CRISPLD1: variants seen among roughly 807,000 people sequenced by gnomAD.
The protein encoded by CRISPLD1 is cysteine-rich secretory protein LCCL domain-containing 1.
Under a neutral mutation model 77.5 loss-of-function variants are expected in CRISPLD1, and 60 were observed. That is an observed-to-expected ratio of 0.77 (90% CI 0.63 to 0.96). The LOEUF is 0.96. Ranked by LOEUF, CRISPLD1 falls within the 40% of genes least tolerant of loss-of-function variation. The probability of loss-of-function intolerance (pLI) is 0.00; values close to 1 mark genes in which losing one functional copy is unlikely to be tolerated. For missense variants in CRISPLD1, 623 were observed against 615.8 expected (o/e 1.01, Z -0.12); for synonymous variants, 195 against 200.1 (o/e 0.97, Z 0.22).
intron 2 of CRISPLD1, among the ~76,000 whole-genome samples, chr8:75,011,415 G>A (rs935529567): frequency 6.6e-6 from 1 of 151,668 alleles, no homozygotes; most frequent in Non-Finnish European, 1.5e-5. Context: ...TGTCACTTGG[G>A]TTGTGTCCTC....
chr8:74,992,207 C>G (rs1280047750), intron 2 of CRISPLD1, among the ~76,000 whole-genome samples: 1 of 152,052 alleles, frequency 6.6e-6, no homozygotes, highest in Non-Finnish European at 1.5e-5. Context: ...AATAAAAGTT[C>G]TGGAAGGTAG....
Position 75,014,767 on chromosome 8 carries a change from T to C in CRISPLD1, c.627-45T>C, listed in dbSNP as rs184523392. 108 of 1,232,492 alleles carry C rather than the reference T, an allele frequency of 8.8e-5. No individual in the cohort carries two copies. In the East Asian group the frequency reaches 2.4e-3, roughly 27 times the overall value. 76.3% of individuals were successfully genotyped at this position (1,232,492 alleles called of 1,614,324 possible). A position where few individuals can be genotyped will look rare whatever the true frequency, so the allele number is the denominator to read the frequency against. ...TGATGTTTCACAATGTTTTATAAAT[T>C]ATGCCATTAGACTACTTTTTAATAG... On this transcript the variant is annotated intron_variant, in intron 5 of 14. Transcript: ENST00000262207.
intron 2 of CRISPLD1, among the ~76,000 whole-genome samples, chr8:74,993,928 G>C (rs1563607595): frequency 6.6e-6 from 1 of 152,226 alleles, no homozygotes; most frequent in Non-Finnish European, 1.5e-5. Flanking sequence ...GCAGACAGAG[G>C]GAGCATGAGA....
In CRISPLD1 at chr8:75,012,332, T is replaced by TAAAG. The variant is rs1333383107; in HGVS notation, c.259-90_259-87dup. On this transcript the variant is annotated intron_variant, in intron 2 of 14. Transcript: ENST00000262207. ...AATCCAGACTATGATGTTGACTTTG[T>TAAAG]AAAGAAAGAAAGAAGAAAATGTAAG... 5 of 741,028 alleles carry TAAAG rather than the reference T, an allele frequency of 6.7e-6. No individual in the cohort carries two copies. The Admixed American group carries it at 1.1e-4, about 16-fold the overall frequency. 45.9% of individuals were successfully genotyped at this position (741,028 alleles called of 1,614,324 possible). A position where few individuals can be genotyped will look rare whatever the true frequency, so the allele number is the denominator to read the frequency against.
At chr8:75,026,893 C>T (rs1388981629) in intron 13 of CRISPLD1, 1 of 152,130 alleles carries the variant, frequency 6.6e-6, no homozygotes, top group Non-Finnish European at 1.5e-5. Flanking sequence ...CTGCTGGTAT[C>T]TTGAATGTAC....
At chr8:74,989,434 G>C (rs1812540709) in intron 2 of CRISPLD1, among the ~76,000 whole-genome samples, 2 of 152,122 alleles carry the variant, frequency 1.3e-5, no homozygotes, top group Admixed American at 1.3e-4. Context: ...TGCTTCTCCT[G>C]CTTATTGGCA....
chr8:75,013,125 T>G (rs981185124), intron 4 of CRISPLD1, 103 bp downstream of exon 4: 1 of 906,532 alleles, frequency 1.1e-6, no homozygotes, highest in African/African-American at 1.7e-5. Flanking sequence ...ATATGGTTAT[T>G]AAAAAAATTT....
intron 2 of CRISPLD1, among the ~76,000 whole-genome samples, chr8:75,006,270 C>T (rs960995982): frequency 2.6e-5 from 4 of 152,096 alleles, no homozygotes; most frequent in Admixed American, 1.3e-4. Context: ...GGCTACTTAA[C>T]GGTATAATAA....
chr8:75,018,395 G>A (rs772480944), intron 10 of CRISPLD1, among the ~76,000 whole-genome samples: 23 of 152,026 alleles, frequency 1.5e-4, no homozygotes, highest in Admixed American at 3.9e-4. Flanking sequence ...GGGCTCAAGC[G>A]ATTCTCCTGC....
chr8:75,023,599 TC>T (rs1813178598), intron 12 of CRISPLD1, among the ~76,000 whole-genome samples: 1 of 152,206 alleles, frequency 6.6e-6, no homozygotes, highest in Non-Finnish European at 1.5e-5. Context: ...TCTAAGATCT[TC>T]CTATGTTAAG....
At chr8:75,005,302 C>G (rs527407361) in intron 2 of CRISPLD1, among the ~76,000 whole-genome samples, 7 of 152,112 alleles carry the variant, frequency 4.6e-5, no homozygotes, top group Admixed American at 4.6e-4. Flanking sequence ...TAAGTCTTTT[C>G]GATTTAAGTA....
chr8:74,993,055 C>T (rs1812597361), intron 2 of CRISPLD1, among the ~76,000 whole-genome samples: 1 of 151,952 alleles, frequency 6.6e-6, no homozygotes. Context: ...TTCATTTACT[C>T]TTATAAATTC....
At chr8:74,990,996 A>ATT (rs113323931) in intron 2 of CRISPLD1, among the ~76,000 whole-genome samples, 2 of 138,790 alleles carry the variant, frequency 1.4e-5, no homozygotes, top group African/African-American at 5.3e-5. Context: ...TACCAATCCT[A>ATT]TTTTTTTTTT....
chr8:74,996,028 A>T (rs1477102333), intron 2 of CRISPLD1, among the ~76,000 whole-genome samples: 1 of 131,114 alleles, frequency 7.6e-6, no homozygotes, highest in Non-Finnish European at 1.5e-5. Context: ...GCAATGGGTC[A>T]TTGCTTTATA....
In CRISPLD1 at chr8:75,012,424, A is replaced by C; in HGVS notation, c.259-9A>C. 1 of 1,584,230 alleles carries C rather than the reference A, an allele frequency of 6.3e-7. No individual in the cohort carries two copies. The highest frequency in any genetic ancestry group is 8.7e-7 in the Non-Finnish European group (1 of 1,153,156). ...CATGTGCACATTTTGCTTTTGTTTT[A>C]AACTGTAGACATGGGATGTAGAGCT... On this transcript the variant is annotated splice_polypyrimidine_tract_variant and intron_variant, in intron 2 of 14. Transcript: ENST00000262207.
chr8:75,004,687 T>G (rs1469597962), intron 2 of CRISPLD1, among the ~76,000 whole-genome samples: 1 of 152,066 alleles, frequency 6.6e-6, no homozygotes, highest in Non-Finnish European at 1.5e-5. Flanking sequence ...ATGGATGATT[T>G]ACAAACCTGT....
chr8:74,988,756 A>G (rs989360128), intron 2 of CRISPLD1, among the ~76,000 whole-genome samples: 7 of 152,142 alleles, frequency 4.6e-5, no homozygotes, highest in Non-Finnish European at 7.4e-5. Context: ...AATCGCTTGA[A>G]CCCAGGAGGG....
rs1813398156 is a variant in CRISPLD1 at position 75,033,874 on chromosome 8, G to C, written c.*1632G>C. On this transcript the variant is annotated 3_prime_UTR_variant, in exon 15 of 15. Coordinates refer to ENST00000262207, the MANE Select transcript of CRISPLD1 (RefSeq NM_031461.6). ...GCAAAACTTAAAAGCAGATTTTTAT[G>C]GGAACTTTTTTCGAAAGGATACATG... is the stretch of plus-strand genomic sequence containing the variant. 1 of 152,002 alleles carries C rather than the reference G, an allele frequency of 6.6e-6. No individual in the cohort carries two copies. The allele number at this position is 152,002 out of a possible 1,614,324, so 9.4% of individuals were successfully genotyped here. A position where few individuals can be genotyped will look rare whatever the true frequency, so the allele number is the denominator to read the frequency against.
chr8:75,016,043 T>A (rs1813021648), intron 6 of CRISPLD1, among the ~76,000 whole-genome samples: 1 of 152,174 alleles, frequency 6.6e-6, no homozygotes, highest in South Asian at 2.1e-4. Flanking sequence ...ATACTCAAGT[T>A]TAAATTTCTG....
Sources: gnomAD v4.1 joint callset for allele counts (sites outside exome capture counted in the v4.1 genomes callset) on GRCh38, gnomAD v4.1.1 for gene constraint, MANE v1.5 for transcripts, NCBI Gene and HGNC (gene_info 2026-07-23, HGNC 2026-07-21) for gene names.